Variants in CCDC14 observed in about 807,000 individuals in gnomAD.
The protein encoded by CCDC14 is coiled-coil domain containing 14, also known as coiled-coil domain-containing protein 14.
In CCDC14, 71 loss-of-function variants were observed where a neutral mutation model predicts 81.4. The observed-to-expected ratio is 0.87, with a 90% CI of 0.72 to 1.06. The LOEUF is 1.06. Ranked by LOEUF, CCDC14 falls within the 50% of genes least tolerant of loss-of-function variation. The pLI is 0.00. For missense variants in CCDC14, 1,046 were observed against 1,047.3 expected (o/e 1.00, Z 0.02); for synonymous variants, 332 against 364.8 (o/e 0.91, Z 1.03).
chr3:123,949,731 T>C (rs1476018498), intron 5 of CCDC14, among the ~76,000 whole-genome samples: 1 of 152,148 alleles, frequency 6.6e-6, no homozygotes, highest in Non-Finnish European at 1.5e-5. Context: ...AATAACATTG[T>C]TCATGAACCA....
At position 123,961,090 on chromosome 3, in the gene CCDC14, C is replaced by T. The variant is rs1180461834; in HGVS notation, c.30+54G>A. On this transcript the variant is annotated intron_variant, in intron 1 of 12. Coordinates refer to ENST00000409697, the MANE Select transcript of CCDC14 (RefSeq NM_001366335.1). The stretch of plus-strand genomic sequence containing the variant: ...GTTTTACAAGTTCCTGGCCCGAAAA[C>T]CCCCCTGTCCCTCTCCATCCCCACA... The T allele has an allele frequency of 1.8e-5, 26 of 1,429,436 alleles. No homozygotes were observed. In the South Asian group the frequency reaches 3.1e-4, roughly 17 times the overall value. The allele number at this position is 1,429,436 out of a possible 1,614,324, so 88.5% of individuals were successfully genotyped here. A position where few individuals can be genotyped will look rare whatever the true frequency, so the allele number is the denominator to read the frequency against.
chr3:123,887,351 G>A, the CCDC14 span, among the ~76,000 whole-genome samples: 2 of 152,050 alleles, frequency 1.3e-5, no homozygotes, highest in African/African-American at 4.8e-5. Context: ...AAGGGCTCAT[G>A]GAAAGAATAT....
At chr3:123,887,802 A>C in the CCDC14 span, among the ~76,000 whole-genome samples, 1 of 152,126 alleles carries the variant, frequency 6.6e-6, no homozygotes, top group African/African-American at 2.4e-5. Context: ...TAAAGTCTTA[A>C]ATATTTGTTC....
At chr3:123,922,370 A>T (rs987368336) in intron 12 of CCDC14, among the ~76,000 whole-genome samples, 3 of 152,202 alleles carry the variant, frequency 2.0e-5, no homozygotes, top group African/African-American at 7.2e-5. Flanking sequence ...AAAAGATCAG[A>T]GCAAGAAATA....
intron 5 of CCDC14, chr3:123,952,945 A>C (rs1283719785): frequency 5.5e-6 from 1 of 181,442 alleles, no homozygotes; most frequent in Admixed American, 5.4e-5. Flanking sequence ...AACCCTAAAG[A>C]AGATTGTCCT....
chr3:123,942,112 T>C (rs1380650576), intron 9 of CCDC14, among the ~76,000 whole-genome samples: 1 of 151,922 alleles, frequency 6.6e-6, no homozygotes. Context: ...AGTCTACAAG[T>C]TAAGATCACT....
At chr3:123,952,536 A>T (rs762952964) in intron 5 of CCDC14, 1 of 503,898 alleles carries the variant, frequency 2.0e-6, no homozygotes, top group Non-Finnish European at 4.2e-6. Context: ...TAAGCTCAAT[A>T]CAATTCTGGA....
chr3:123,911,433 G>A (rs1408181464), downstream of CCDC14, among the ~76,000 whole-genome samples: 3 of 152,126 alleles, frequency 2.0e-5, no homozygotes, highest in Admixed American at 1.3e-4. Context: ...AAATGATTAA[G>A]GGAGTGTTAA....
Position 123,931,318 on chromosome 3 carries a change from T to C in CCDC14, c.1635A>G (p.Arg545=). 1 of 1,530,382 alleles carries C rather than the reference T, an allele frequency of 6.5e-7. No homozygotes were observed. The highest frequency in any genetic ancestry group is 8.9e-7 in the Non-Finnish European group (1 of 1,127,618). 94.8% of individuals were successfully genotyped at this position (1,530,382 alleles called of 1,614,324 possible). ...NKQQYDIEIT[R]IKIELEEALV... Reference sequence around the variant, plus strand: ...TGTCTAAATACGTACCAATTTTTATTCTTGTTATCTCAATATCATATTGCT... The same window carrying C: ...TGTCTAAATACGTACCAATTTTTATCCTTGTTATCTCAATATCATATTGCT... Residue 545 remains arginine, a synonymous_variant, in exon 11 of 13, where the codon AGA becomes AGG. Coordinates refer to ENST00000409697, the MANE Select transcript of CCDC14 (RefSeq NM_001366335.1).
At chr3:123,892,176 G>A in the CCDC14 span, among the ~76,000 whole-genome samples, 4 of 152,220 alleles carry the variant, frequency 2.6e-5, no homozygotes, top group African/African-American at 9.6e-5. Context: ...TGAGATTTGG[G>A]TGAGGACACA....
In CCDC14 at chr3:123,949,140, G is replaced by A. The variant is rs1249995982; in HGVS notation, c.353-8C>T. The A allele has an allele frequency of 3.3e-6, 5 of 1,528,120 alleles. No individual in the cohort carries two copies. Among genetic ancestry groups the A allele is most frequent in the East Asian group, 2.3e-5 (1 of 43,780 alleles). The allele number at this position is 1,528,120 out of a possible 1,614,324, so 94.7% of individuals were successfully genotyped here. ...TCTTATTATCTGAAGATGCTAATGT[G>A]GAAGAAGAAAAAAGTTCTTGAAATA... On this transcript the variant is annotated splice_polypyrimidine_tract_variant and splice_region_variant and intron_variant, in intron 5 of 12. Coordinates refer to ENST00000409697, the MANE Select transcript of CCDC14 (RefSeq NM_001366335.1).
chr3:123,955,043 G>C (rs1317193524), intron 5 of CCDC14: 1 of 152,100 alleles, frequency 6.6e-6, no homozygotes, highest in African/African-American at 2.4e-5. Context: ...ATGCTCTACT[G>C]ACACTTTCTC....
intron 5 of CCDC14, among the ~76,000 whole-genome samples, chr3:123,898,740 T>C (rs1232068960): frequency 6.6e-6 from 1 of 152,176 alleles, no homozygotes; most frequent in Non-Finnish European, 1.5e-5. Flanking sequence ...CAGACTAGAG[T>C]GCAGCGGCAC....
At chr3:123,958,906 GT>G (rs2037502299) in intron 1 of CCDC14, 2 of 152,072 alleles carry the variant, frequency 1.3e-5, no homozygotes, top group Admixed American at 1.3e-4. Context: ...TTGTCCTTCT[GT>G]GACTAGCTTA....
At chr3:123,890,214 G>A in the CCDC14 span, among the ~76,000 whole-genome samples, 1 of 152,110 alleles carries the variant, frequency 6.6e-6, no homozygotes, top group Admixed American at 6.5e-5. Flanking sequence ...GGAATTATGG[G>A]AGCTACAAGA....
At chr3:123,888,720 C>G in the CCDC14 span, among the ~76,000 whole-genome samples, 1 of 152,144 alleles carries the variant, frequency 6.6e-6, no homozygotes. Flanking sequence ...GTGCCATACA[C>G]TTTTAAACCA....
At position 123,915,230 on chromosome 3, in the gene CCDC14, C is replaced by T; in HGVS notation, c.2267G>A (p.Arg756Lys). The T allele has an allele frequency of 1.2e-6, 2 of 1,613,734 alleles. No homozygotes were observed. Among genetic ancestry groups the T allele is most frequent in the South Asian group, 2.2e-5 (2 of 91,058 alleles). The change falls in exon 13 of 13, where the codon AGA (arginine) becomes AAA (lysine). Residue 756 changes from arginine (R) to lysine (K), a missense_variant. Arg to Lys is a conservative substitution (Grantham distance 26). Transcript: ENST00000409697. ...GCTGACTAGCTGTGTTGTAGCTGCT[C>T]TTATTTGTGGCTGAGGGGATAGTCT... The part of the protein sequence containing the change: ...SKRLSPQPQI[R>K]AATTQLVSNS...
chr3:123,923,456 T>C (rs966360732), intron 12 of CCDC14, among the ~76,000 whole-genome samples: 6 of 151,606 alleles, frequency 4.0e-5, no homozygotes, highest in African/African-American at 9.7e-5. Flanking sequence ...AGAAAAAAAA[T>C]AGAAGATAAT....
chr3:123,909,338 T>C (rs1027814164), downstream of CCDC14, among the ~76,000 whole-genome samples: 3 of 152,308 alleles, frequency 2.0e-5, no homozygotes, highest in Middle Eastern at 3.4e-3. Context: ...CCATGTCTTC[T>C]TGAGATTTCT....
Sources: allele counts gnomAD v4.1 joint callset (sites outside exome capture counted in the v4.1 genomes callset), GRCh38; gene constraint gnomAD v4.1.1; transcripts MANE v1.5; gene names NCBI Gene and HGNC (gene_info 2026-07-23, HGNC 2026-07-21).